Variants in ITIH4 observed in about 807,000 individuals in gnomAD.
ITIH4 encodes inter-alpha-trypsin inhibitor heavy chain H4.
ITIH4 carries 79 observed loss-of-function variants against 111.8 expected under a neutral mutation model. The ratio of observed to expected loss-of-function variants is 0.71; its 90% confidence interval spans 0.59 to 0.85. The LOEUF (loss-of-function observed/expected upper bound fraction) is 0.85. Ranked by LOEUF, ITIH4 falls within the 40% of genes least tolerant of loss-of-function variation. The pLI is 0.00. For missense variants in ITIH4, 1,065 were observed against 1,195.8 expected (o/e 0.89, Z 1.61); for synonymous variants, 472 against 468.3 (o/e 1.01, Z -0.10).
At position 52,817,039 on chromosome 3, in the gene ITIH4, C is replaced by T. The variant is rs371757546; in HGVS notation, c.2316G>A (p.Gln772=). Residue 772 remains glutamine (Q), a synonymous_variant, in exon 21 of 24, where the codon CAG becomes CAA. Coordinates refer to ENST00000266041, the MANE Select transcript of ITIH4 (RefSeq NM_002218.5). ...DPEQGVEVTG[Q]YEREKAGFSW... The stretch of plus-strand genomic sequence containing the variant: ...AGAACCCAGCCTTCTCCCTCTCATA[C>T]TGGCCAGTCACCTCAACCCCTGGGA... The T allele has an allele frequency of 5.6e-6, 9 of 1,613,668 alleles. No homozygotes were observed. The South Asian group carries it at 9.9e-5, about 18-fold the overall frequency.
rs900883545 is a variant in ITIH4 at position 52,821,004 on chromosome 3, G to A, written c.1666C>T (p.Leu556=). ...RLWAYLTIQQ[L]LEQTVSASDA... ...TGATGCACTCACGTTTGCTCCAGCA[G>A]CTGCTGGATAGTCAGGTATGCCCAG... The change falls in exon 12 of 24, where the codon CTG becomes TTG. Residue 556 remains leucine, a synonymous_variant. Transcript: ENST00000266041. 4.3e-6 allele frequency: 7 copies of A among 1,614,018 alleles called. No individual in the cohort carries two copies. In the African/African-American group the frequency reaches 5.3e-5, roughly 12 times the overall value.
chr3:52,813,974 C>A lies in ITIH4; in HGVS notation c.2723+1G>T. The A allele has an allele frequency of 6.2e-7, 1 of 1,611,242 alleles. No homozygotes were observed. Among genetic ancestry groups the A allele is most frequent in the Non-Finnish European group, 8.5e-7 (1 of 1,179,066 alleles). ...TCAGCGGTCTGCTTGTGCCAAGTCACCTGGTGGCAGAGTGGTCATTGCCCT... is the reference window on the plus strand; with the variant it reads ...TCAGCGGTCTGCTTGTGCCAAGTCAACTGGTGGCAGAGTGGTCATTGCCCT... On this transcript the variant is annotated splice_donor_variant, in intron 23 of 23. Coordinates refer to ENST00000266041, the MANE Select transcript of ITIH4 (RefSeq NM_002218.5). LOFTEE classifies it high-confidence loss of function.
chr3:52,817,576 G>C (rs1454872825), intron 20 of ITIH4, among the ~76,000 whole-genome samples: 1 of 152,138 alleles, frequency 6.6e-6, no homozygotes, highest in Non-Finnish European at 1.5e-5. Flanking sequence ...TCTGGTCCAG[G>C]ATTGAAGGGG....
intron 17 of ITIH4, chr3:52,819,045 G>C: frequency 3.0e-6 from 1 of 329,376 alleles, no homozygotes; most frequent in Non-Finnish European, 5.8e-6. Context: ...CTCTGAACAA[G>C]GAGTGTGGGA....
rs34967967 is a variant in ITIH4, at chr3:52,826,947, G to C, written c.363C>G (p.Thr121=). Reference sequence around the variant, plus strand: ...CCTGGAACTGCTCCATGTTTCTCCCGGTGGCCCTGGGGGAGAAGGGCATCA... The same window carrying C: ...CCTGGAACTGCTCCATGTTTCTCCCCGTGGCCCTGGGGGAGAAGGGCATCA... ...KGKSAGLVKA[T]GRNMEQFQVS... is the part of the protein sequence containing the mutation. The change falls in exon 4 of 24, where the codon ACC becomes ACG. Residue 121 remains threonine, a synonymous_variant. Coordinates refer to ENST00000266041, the MANE Select transcript of ITIH4 (RefSeq NM_002218.5). 8.1e-6 allele frequency: 13 copies of C among 1,614,036 alleles called. 1 individual carries two copies. The South Asian group carries it at 1.4e-4, about 18-fold the overall frequency.
At chr3:52,823,481 G>A (rs1384687886) in intron 11 of ITIH4, 75 bp downstream of exon 11, 4 of 1,303,828 alleles carry the variant, frequency 3.1e-6, no homozygotes, top group Non-Finnish European at 2.1e-6. Flanking sequence ...GCAGGTCTGG[G>A]ATTTGAGTCC....
At position 52,820,296 on chromosome 3, in the gene ITIH4, T is replaced by A. The variant is rs200115903; in HGVS notation, c.1856A>T (p.His619Leu). ...MEGESRNRNV[H>L]SGSTFFKYYL... The stretch of plus-strand genomic sequence containing the variant: ...TGAGGATGTTCGCTGCTTACCTGAG[T>A]GGACATTCCTGTTTCTACTTTCTGG... The change falls in exon 14 of 24, where the codon CAC (histidine) becomes CTC (leucine). Residue 619 changes from histidine (H) to leucine (L), a missense_variant. His to Leu is a moderately conservative substitution (Grantham distance 99). Transcript: ENST00000266041. The A allele has an allele frequency of 1.2e-6, 2 of 1,613,850 alleles. No homozygotes were observed. The highest frequency in any genetic ancestry group is 2.7e-5 in the African/African-American group (2 of 74,914).
chr3:52,820,313 A>G lies in ITIH4; in HGVS notation c.1839T>C (p.Ser613=). ...QVAEKPMEGE[S]RNRNVHSGST... ...TACCTGAGTGGACATTCCTGTTTCT[A>G]CTTTCTGGATAAAACAAAGAGAGAG... Residue 613 remains serine (S), a synonymous_variant, in exon 14 of 24, where the codon AGT becomes AGC. Transcript: ENST00000266041. 1 of 1,613,932 alleles carries G rather than the reference A, an allele frequency of 6.2e-7. No individual in the cohort carries two copies. Among genetic ancestry groups the G allele is most frequent in the Non-Finnish European group, 8.5e-7 (1 of 1,179,946 alleles).
chr3:52,826,756 C>T, intron 4 of ITIH4, 35 bp downstream of exon 4: 1 of 1,613,492 alleles, frequency 6.2e-7, no homozygotes, highest in East Asian at 2.2e-5. Flanking sequence ...AAGGGTCATG[C>T]AGGAGGCCTC....
chr3:52,814,704 T>C (rs2535625), intron 21 of ITIH4, among the ~76,000 whole-genome samples: 2,518 of 152,160 alleles, frequency 0.017, 71 homozygotes, highest in African/African-American at 0.055. Context: ...CTCCCACCTC[T>C]ACCTCCCAAG....
At chr3:52,821,227 G>A (rs767639083) in intron 11 of ITIH4, 97 bp from the exon 12 acceptor site, 232 of 1,436,286 alleles carry the variant, frequency 1.6e-4, no homozygotes, top group Non-Finnish European at 2.1e-4. Flanking sequence ...GGCTGGGGCA[G>A]GTCCCACACA....
rs767558139 is a variant in ITIH4, at chr3:52,826,865, G to A, written c.445C>T (p.Leu149=). ...KITFELVYEE[L]LKRRLGVYEL... is the part of the protein sequence containing the mutation. ...TACACCCCCAAACGCCGCTTGAGCA[G>A]CTCCTCATAGACCAGCTCAAAGGTG... The change falls in exon 4 of 24, where the codon CTG becomes TTG. Residue 149 remains leucine (L), a synonymous_variant. Transcript: ENST00000266041. 1.3e-5 allele frequency: 21 copies of A among 1,613,938 alleles called. No individual in the cohort carries two copies. The African/African-American group carries it at 2.8e-4, about 22-fold the overall frequency.
At chr3:52,816,140 C>T (rs1205840238) in intron 21 of ITIH4, among the ~76,000 whole-genome samples, 6 of 152,198 alleles carry the variant, frequency 3.9e-5, no homozygotes, top group African/African-American at 1.4e-4. Context: ...AGCTGTGGCA[C>T]AGGGTGGGGG....
At chr3:52,817,517 G>A (rs577443239) in intron 20 of ITIH4, among the ~76,000 whole-genome samples, 12 of 152,300 alleles carry the variant, frequency 7.9e-5, no homozygotes, top group Admixed American at 6.5e-4. Context: ...CTTTGAGCGG[G>A]GCTGGGCGGT....
chr3:52,816,065 G>GACTC (rs1458402834), intron 21 of ITIH4, among the ~76,000 whole-genome samples: 1 of 152,222 alleles, frequency 6.6e-6, no homozygotes, highest in Non-Finnish European at 1.5e-5. Context: ...CAAGTGCAAG[G>GACTC]GAGTTCCCGC....
intron 11 of ITIH4, among the ~76,000 whole-genome samples, chr3:52,823,141 GA>G (rs1388960005): frequency 6.6e-6 from 1 of 152,198 alleles, no homozygotes; most frequent in Non-Finnish European, 1.5e-5. Context: ...GCTGGGCAAG[GA>G]CAGGGTGCCA....
chr3:52,816,967 T>C lies in ITIH4; in HGVS notation c.2388A>G (p.Ala796=). Residue 796 remains alanine, a synonymous_variant, in exon 21 of 24, where the codon GCA becomes GCG. Coordinates refer to ENST00000266041, the MANE Select transcript of ITIH4 (RefSeq NM_002218.5). The part of the protein sequence containing the change: ...TFKNPLVWVH[A]SPEHVVVTRN... ...GAGTCACCACCACGTGTTCAGGGGA[T>C]GCGTGAACCCATACCAGGGGGTTCT... 1 of 1,614,014 alleles carries C rather than the reference T, an allele frequency of 6.2e-7. No individual in the cohort carries two copies. The highest frequency in any genetic ancestry group is 8.5e-7 in the Non-Finnish European group (1 of 1,179,932).
chr3:52,823,559 CT>C lies in ITIH4; in HGVS notation c.1535del (p.Lys512SerfsTer40). ...GGGTGGCTTTGGCCACACTCACCAG[CT>C]TCCCACTGACTGTGGCTGTGAGCAC... is the stretch of plus-strand genomic sequence containing the variant. ...PDVLTATVSG[K>X]LPTQNITFQT... On this transcript the variant is annotated frameshift_variant, in exon 11 of 24. Coordinates refer to ENST00000266041, the MANE Select transcript of ITIH4 (RefSeq NM_002218.5). LOFTEE classifies it high-confidence loss of function. 1 of 1,603,848 alleles carries C rather than the reference CT, an allele frequency of 6.2e-7. No homozygotes were observed. Among genetic ancestry groups the C allele is most frequent in the Non-Finnish European group, 8.5e-7 (1 of 1,175,046 alleles).
In ITIH4 at chr3:52,824,194, A is replaced by T; in HGVS notation, c.1167T>A (p.Thr389=). ...LIILLTDGDP[T]VGETNPRSIQ... ...AGTCACGGGCAGGGCCCTCACCCAC[A>T]GTGGGGTCGCCATCGGTGAGCAGGA... The change falls in exon 9 of 24, where the codon ACT becomes ACA. Residue 389 remains threonine, a synonymous_variant. Transcript: ENST00000266041. This position sits in a 1 kb window ranked among gnomAD's most constrained non-coding sequence, Gnocchi z 4.3. 4 of 1,613,224 alleles carry T rather than the reference A, an allele frequency of 2.5e-6. No homozygotes were observed. Among genetic ancestry groups the T allele is most frequent in the Non-Finnish European group, 2.5e-6 (3 of 1,179,958 alleles).
Sources: allele counts gnomAD v4.1 joint callset (sites outside exome capture counted in the v4.1 genomes callset), GRCh38; gene constraint gnomAD v4.1.1; non-coding constraint Gnocchi (gnomAD v3.1); transcripts MANE v1.5; gene names NCBI Gene and HGNC (gene_info 2026-07-23, HGNC 2026-07-21).